The following MROH2A variants were observed in gnomAD, a reference collection of about 807,000 sequenced individuals.
MROH2A encodes maestro heat-like repeat-containing protein family member 2A.
A neutral mutation model predicts 200.4 loss-of-function variants in MROH2A; 174 were observed. The ratio of observed to expected loss-of-function variants is 0.87; its 90% CI spans 0.77 to 0.98. The LOEUF (loss-of-function observed/expected upper bound fraction) is 0.98. MROH2A is among the 50% of genes least tolerant of loss of function. The pLI is 0.00. For synonymous variants in MROH2A, 829 were observed against 840.4 expected (o/e 0.99, Z 0.23); for missense variants, 2,045 against 2,139.6 (o/e 0.96, Z 0.87).
At position 233,789,648 on chromosome 2, in the gene MROH2A, C is replaced by G. The variant is rs1052027950; in HGVS notation, c.408+20C>G. On this transcript the variant is annotated intron_variant, in intron 4 of 41. Coordinates refer to ENST00000389758, the MANE Select transcript of MROH2A (RefSeq NM_001394639.1). Reference sequence around the variant, plus strand: ...CCAGAGGTAGGACCCCAAGCTCCATCGGTGCCTTCCCTCTGCCAGCCCAGG... The same window carrying G: ...CCAGAGGTAGGACCCCAAGCTCCATGGGTGCCTTCCCTCTGCCAGCCCAGG... The G allele has an allele frequency of 6.9e-7, 1 of 1,451,198 alleles. No homozygotes were observed. The highest frequency in any genetic ancestry group is 2.5e-5 in the East Asian group (1 of 39,806). The allele number at this position is 1,451,198 out of a possible 1,614,324, so 89.9% of individuals were successfully genotyped here.
At chr2:233,797,468 A>G (rs1197665703) in intron 11 of MROH2A, among the ~76,000 whole-genome samples, 4 of 152,238 alleles carry the variant, frequency 2.6e-5, no homozygotes, top group Non-Finnish European at 5.9e-5. Flanking sequence ...TGCAGCTATT[A>G]AAAAGTGTGT....
At chr2:233,831,562 C>G (rs958366667) in intron 39 of MROH2A, 22 bp downstream of exon 39, 1 of 1,542,864 alleles carries the variant, frequency 6.5e-7, no homozygotes, top group Non-Finnish European at 8.7e-7. Flanking sequence ...AAAGGGGGAA[C>G]CAGCCCGTCC....
At chr2:233,817,061 G>T (rs544303434) in intron 27 of MROH2A, among the ~76,000 whole-genome samples, 176 bp downstream of exon 27, 3 of 152,162 alleles carry the variant, frequency 2.0e-5, no homozygotes, top group Middle Eastern at 3.2e-3. Context: ...GGAGAGGGTG[G>T]GATTGTGGTT....
At chr2:233,804,407 G>A (rs745450361) in intron 17 of MROH2A, 88 bp from the exon 18 acceptor site, 16 of 1,440,892 alleles carry the variant, frequency 1.1e-5, no homozygotes, top group African/African-American at 5.6e-5. Flanking sequence ...CAAATGCCAC[G>A]CTAAGGAGGC....
At chr2:233,782,409 T>C (rs10202032) in intron 3 of MROH2A, among the ~76,000 whole-genome samples, 40,654 of 152,190 alleles carry the variant, frequency 0.27, 6,473 homozygotes, top group East Asian at 0.56. Context: ...CATAGATCTT[T>C]CACTTCTTTG....
intron 13 of MROH2A, 66 bp from the exon 14 acceptor site, chr2:233,800,139 C>T: frequency 1.6e-6 from 2 of 1,251,942 alleles, no homozygotes; most frequent in Non-Finnish European, 2.2e-6. Context: ...GTGAGGAGAC[C>T]ACACCTGAGA....
At chr2:233,798,949 A>T in intron 12 of MROH2A, 99 bp downstream of exon 12, 1 of 974,300 alleles carries the variant, frequency 1.0e-6, no homozygotes, top group East Asian at 2.6e-5. Context: ...TTTTGATGGA[A>T]AACCCGGCTT....
At chr2:233,797,379 C>T (rs1702183141) in intron 11 of MROH2A, among the ~76,000 whole-genome samples, 1 of 152,108 alleles carries the variant, frequency 6.6e-6, no homozygotes, top group Admixed American at 6.5e-5. Context: ...GTATTAAAAG[C>T]AAAGCATGAG....
chr2:233,798,717 C>A, intron 11 of MROH2A, 57 bp from the exon 12 acceptor site: 2 of 1,303,932 alleles, frequency 1.5e-6, no homozygotes, highest in South Asian at 1.3e-5. Flanking sequence ...GTGGGACGAG[C>A]CACCTGACCT....
At chr2:233,799,159 G>A (rs113600850) in intron 12 of MROH2A, among the ~76,000 whole-genome samples, 76 of 152,202 alleles carry the variant, frequency 5.0e-4, no homozygotes, top group African/African-American at 1.7e-3. Flanking sequence ...GGTCTTTATC[G>A]CATGTGAAAA....
rs777274890 is a variant in MROH2A, at chr2:233,828,393, T to C, written c.4114-237T>C. Among the ~76,000 whole-genome samples, 26 of 152,184 alleles carry C rather than the reference T, an allele frequency of 1.7e-4. No individual in the cohort carries two copies. Among genetic ancestry groups the C allele is most frequent in the Non-Finnish European group, 3.1e-4 (21 of 68,022 alleles). ...TGAAAAAATAAATGACGAATTTATA[T>C]ATATACGTAACACTTATCTAGCATT... On this transcript the variant is annotated intron_variant, in intron 35 of 41. Coordinates refer to ENST00000389758, the MANE Select transcript of MROH2A (RefSeq NM_001394639.1). The surrounding 1 kb of genome is among the most constrained non-coding windows in gnomAD (Gnocchi z 4.6).
At position 233,798,860 on chromosome 2, in the gene MROH2A, C is replaced by A. The variant is rs1434587705; in HGVS notation, c.1329+10C>A. 3 of 1,548,672 alleles carry A rather than the reference C, an allele frequency of 1.9e-6. No individual in the cohort carries two copies. The highest frequency in any genetic ancestry group is 2.6e-6 in the Non-Finnish European group (3 of 1,145,396). On this transcript the variant is annotated intron_variant, in intron 12 of 41. Coordinates refer to ENST00000389758, the MANE Select transcript of MROH2A (RefSeq NM_001394639.1). ...TGATACCCGGTCCAAGGTAACAGGG[C>A]AGAGACCTGGAAATGGGGGGCACTC...
Position 233,787,638 on chromosome 2 carries a change from TTA to T in MROH2A, c.277-1851_277-1850del, listed in dbSNP as rs1248609465. On this transcript the variant is annotated intron_variant, in intron 3 of 41. Coordinates refer to ENST00000389758, the MANE Select transcript of MROH2A (RefSeq NM_001394639.1). ...CATATATACATATATATTATATATATTATATATATCATATATACATATATATT... is the reference window on the plus strand; with the variant it reads ...CATATATACATATATATTATATATATTATATATCATATATACATATATATT... 6.6e-5 allele frequency among the ~76,000 whole-genome samples: 4 copies of T among 61,002 alleles called. 1 individual carries two copies. Among genetic ancestry groups the T allele is most frequent in the African/African-American group, 2.2e-4 (3 of 13,514 alleles). 40.0% of individuals were successfully genotyped at this position (61,002 alleles called of 152,430 possible).
At chr2:233,788,831 C>T (rs538345085) in intron 3 of MROH2A, among the ~76,000 whole-genome samples, 2 of 148,144 alleles carry the variant, frequency 1.4e-5, no homozygotes, top group South Asian at 2.2e-4. Context: ...CCCAGCTACT[C>T]GGGAGGCTGA....
At position 233,828,947 on chromosome 2, in the gene MROH2A, G is replaced by A. The variant is rs539705331; in HGVS notation, c.4321G>A (p.Val1441Met). The A allele has an allele frequency of 1.8e-5, 28 of 1,550,536 alleles. No individual in the cohort carries two copies. The highest frequency in any genetic ancestry group is 9.8e-5 in the Admixed American group (5 of 51,006). ...EKCLGPLREP[V>M]SNSVTAEGME... ...GTGCCTGGGCCCCCTGAGGGAGCCC[G>A]TGAGCAACAGCGTGACTGCCGAGGG... is the stretch of plus-strand genomic sequence containing the variant. Residue 1441 changes from valine (V) to methionine (M), a missense_variant, in exon 37 of 42, where the codon GTG becomes ATG. Val to Met is a conservative substitution (Grantham distance 21). Coordinates refer to ENST00000389758, the MANE Select transcript of MROH2A (RefSeq NM_001394639.1). The surrounding 1 kb of genome is among the most constrained non-coding windows in gnomAD (Gnocchi z 4.6).
At chr2:233,794,336 C>T (rs774846770) in intron 7 of MROH2A, 27 bp from the exon 8 acceptor site, 12 of 1,504,980 alleles carry the variant, frequency 8.0e-6, no homozygotes, top group South Asian at 4.8e-5. Flanking sequence ...TGAGACAATG[C>T]GTCCCAGAGC....
chr2:233,833,032 C>T, intron 41 of MROH2A, 106 bp from the exon 42 acceptor site: 1 of 1,372,578 alleles, frequency 7.3e-7, no homozygotes. Context: ...CCCGTCTGCC[C>T]CTGCCCACCT....
At chr2:233,819,776 C>T (rs1370016608) in intron 30 of MROH2A, 126 bp from the exon 31 acceptor site, 2 of 1,075,820 alleles carry the variant, frequency 1.9e-6, no homozygotes, top group Middle Eastern at 2.7e-4. Context: ...AGAGAGGGTG[C>T]TGGGCGCTTA....
rs201507880 is a variant in MROH2A, at chr2:233,807,763, C to G, written c.2203C>G (p.Arg735Gly). Residue 735 changes from arginine (R) to glycine (G), a missense_variant, in exon 21 of 42, where the codon CGG (arginine) becomes GGG (glycine). Arg to Gly is a moderately radical substitution (Grantham distance 125, BLOSUM62 -2). Around this residue, in one of 3 missense-constraint regions of MROH2A, gnomAD observed 1,201 missense variants for 1,311.3 expected, o/e 0.92. Transcript: ENST00000389758. The surrounding 1 kb of genome is among the most constrained non-coding windows in gnomAD (Gnocchi z 4.3). ...GVIMCFGLCA[R>G]GQVKTVLNVL... ...GATTATGTGCTTTGGCCTGTGTGCCCGGGGCCAGGTAAAAACGGTGCTGAA... is the reference window on the plus strand; with the variant it reads ...GATTATGTGCTTTGGCCTGTGTGCCGGGGGCCAGGTAAAAACGGTGCTGAA... The G allele has an allele frequency of 1.3e-6, 2 of 1,550,678 alleles. No individual in the cohort carries two copies. Among genetic ancestry groups the G allele is most frequent in the South Asian group, 1.2e-5 (1 of 84,060 alleles).
Sources: gnomAD v4.1 joint callset for allele counts (sites outside exome capture counted in the v4.1 genomes callset) on GRCh38, gnomAD v4.1.1 for gene constraint, gnomAD v4.1.1 regional missense constraint, Gnocchi (gnomAD v3.1) non-coding constraint, MANE v1.5 for transcripts, NCBI Gene and HGNC (gene_info 2026-07-23, HGNC 2026-07-21) for gene names.